Variants in DLGAP2 observed in about 807,000 individuals in gnomAD.
DLGAP2 encodes disks large-associated protein 2.
In DLGAP2, 26 loss-of-function variants were observed where a neutral mutation model predicts 100.3. That is an observed-to-expected ratio of 0.26 (90% CI 0.19 to 0.36). The LOEUF (loss-of-function observed/expected upper bound fraction) is 0.36. Ranked by LOEUF, DLGAP2 falls within the 10% of genes least tolerant of loss-of-function variation. The pLI, the probability that DLGAP2 is intolerant of heterozygous loss-of-function variation, is 1.00. For missense variants in DLGAP2, 1,858 were observed against 1,453.2 expected, an observed-to-expected ratio of 1.28 and a Z score of -4.53; for synonymous variants, 886 against 630.1, an observed-to-expected ratio of 1.41 and a Z score of -6.08.
At chr8:1,521,689 G>A (rs1401782572) in intron 4 of DLGAP2, among the ~76,000 whole-genome samples, 144 of 27,114 alleles carry the variant, frequency 5.3e-3, no homozygotes, top group African/African-American at 0.012. Flanking sequence ...GTGATATGGG[G>A]CATCTGGTTT....
chr8:1,520,247 A>C (rs998041749), intron 4 of DLGAP2, among the ~76,000 whole-genome samples: 7 of 152,126 alleles, frequency 4.6e-5, no homozygotes, highest in African/African-American at 1.7e-4. Flanking sequence ...CCCGGAGCTC[A>C]TGGTTCACAG....
intron 2 of DLGAP2, among the ~76,000 whole-genome samples, chr8:1,000,355 G>A (rs530974774): frequency 4.6e-5 from 7 of 150,672 alleles, no homozygotes; most frequent in Non-Finnish European, 8.8e-5. Flanking sequence ...GTTTTCTTTC[G>A]CACTGGATTT....
intron 3 of DLGAP2, among the ~76,000 whole-genome samples, chr8:1,470,566 C>G (rs1286546028): frequency 1.3e-5 from 2 of 152,168 alleles, no homozygotes; most frequent in Non-Finnish European, 2.9e-5. Flanking sequence ...GAATCCTATT[C>G]TATTCTCTCT....
chr8:1,661,397 C>T (rs1290886317), intron 8 of DLGAP2, among the ~76,000 whole-genome samples: 1 of 152,150 alleles, frequency 6.6e-6, no homozygotes, highest in Non-Finnish European at 1.5e-5. Context: ...GAAGCTGGGT[C>T]TAAGTTCTGC....
At chr8:1,367,570 G>A (rs933828824) in intron 3 of DLGAP2, among the ~76,000 whole-genome samples, 1 of 152,216 alleles carries the variant, frequency 6.6e-6, no homozygotes, top group Admixed American at 6.5e-5. Context: ...CTCCCCTCTA[G>A]AGCTGCTTTC....
chr8:1,029,846 C>G (rs1007170749), intron 2 of DLGAP2, among the ~76,000 whole-genome samples: 1 of 151,994 alleles, frequency 6.6e-6, no homozygotes, highest in African/African-American at 2.4e-5. Flanking sequence ...GGTTACTGTT[C>G]GAGCTGGGGA....
At chr8:1,505,234 T>G (rs1160932520) in intron 4 of DLGAP2, among the ~76,000 whole-genome samples, 1 of 152,218 alleles carries the variant, frequency 6.6e-6, no homozygotes, top group Non-Finnish European at 1.5e-5. Context: ...AAATTAAAAT[T>G]AAAAACACTT....
chr8:1,124,259 G>A (rs1324357699), intron 2 of DLGAP2, among the ~76,000 whole-genome samples: 1 of 152,204 alleles, frequency 6.6e-6, no homozygotes, highest in Non-Finnish European at 1.5e-5. Flanking sequence ...CATGGGCTAA[G>A]GAACTCGCCA....
chr8:805,210 T>A (rs1213102259), intron 1 of DLGAP2, among the ~76,000 whole-genome samples: 1 of 152,220 alleles, frequency 6.6e-6, no homozygotes, highest in Non-Finnish European at 1.5e-5. Flanking sequence ...AGGGTTTTCA[T>A]GAAGCTCTGT....
intron 12 of DLGAP2, among the ~76,000 whole-genome samples, chr8:1,684,132 C>T (rs918867372): frequency 1.3e-5 from 2 of 150,738 alleles, no homozygotes; most frequent in Admixed American, 6.7e-5. Context: ...CAGCTGAATG[C>T]CCCTACACCC....
intron 2 of DLGAP2, among the ~76,000 whole-genome samples, chr8:1,191,707 C>G (rs1385270034): frequency 6.6e-6 from 1 of 152,162 alleles, no homozygotes; most frequent in Non-Finnish European, 1.5e-5. Flanking sequence ...GCAACTAACT[C>G]TTTAATTTCC....
At chr8:1,311,109 G>A (rs1373808857) in intron 3 of DLGAP2, among the ~76,000 whole-genome samples, 1 of 151,120 alleles carries the variant, frequency 6.6e-6, no homozygotes, top group African/African-American at 2.4e-5. Flanking sequence ...CATTACTACA[G>A]ACCACACAAA....
intron 1 of DLGAP2, among the ~76,000 whole-genome samples, chr8:873,621 C>G (rs546848697): frequency 6.6e-6 from 1 of 151,976 alleles, no homozygotes; most frequent in East Asian, 1.9e-4. Flanking sequence ...ATGAGATATT[C>G]ATCTTTAGCC....
At position 1,690,661 on chromosome 8, in the gene DLGAP2, G is replaced by A. The variant is rs541028112; in HGVS notation, c.2705-874G>A. Among the ~76,000 whole-genome samples, 8 of 126,022 alleles carry A rather than the reference G, an allele frequency of 6.3e-5. No individual in the cohort carries two copies. In the South Asian group the frequency reaches 1.5e-3, roughly 24 times the overall value. 82.7% of individuals were successfully genotyped at this position (126,022 alleles called of 152,430 possible). ...GGAGGTTGCAGTGAGCCAGGATTGC[G>A]CCACTCCACTCCAGCCTGGGCGATA... On this transcript the variant is annotated intron_variant, in intron 12 of 14. Transcript: ENST00000637795.
At chr8:835,976 G>A (rs530048341) in intron 1 of DLGAP2, among the ~76,000 whole-genome samples, 22 of 152,266 alleles carry the variant, frequency 1.4e-4, no homozygotes, top group Admixed American at 2.6e-4. Context: ...TCATTTTTGG[G>A]TGTAAGACAC....
chr8:1,621,368 C>T (rs1247438995), intron 6 of DLGAP2: 3 of 152,854 alleles, frequency 2.0e-5, no homozygotes, highest in African/African-American at 4.8e-5. Context: ...ACACGAGGAC[C>T]AGGGCAAAGG....
Position 1,668,009 on chromosome 8 carries a change from C to T in DLGAP2, c.1811-320C>T, listed in dbSNP as rs946371708. On this transcript the variant is annotated intron_variant, in intron 8 of 14. Transcript: ENST00000637795. The stretch of plus-strand genomic sequence containing the variant: ...CTGCGCACTGTCCTGAGGGGACGCA[C>T]GTTGCCTAGCTGTGTCTCTGCTGCT... Among the ~76,000 whole-genome samples the T allele has an allele frequency of 1.8e-4, 27 of 152,084 alleles. 1 individual carries two copies. The highest frequency in any genetic ancestry group is 4.1e-4 in the South Asian group (2 of 4,824).
chr8:1,584,814 T>C (rs146402450), intron 6 of DLGAP2, among the ~76,000 whole-genome samples: 36 of 152,312 alleles, frequency 2.4e-4, no homozygotes, highest in African/African-American at 8.2e-4. Flanking sequence ...TCCACCTGTT[T>C]CGTGCTGTTT....
chr8:1,076,691 G>T (rs1803623564), intron 2 of DLGAP2, among the ~76,000 whole-genome samples: 1 of 152,190 alleles, frequency 6.6e-6, no homozygotes, highest in Admixed American at 6.5e-5. Flanking sequence ...ATCGTTAAAG[G>T]CCATTCCCCT....
Sources: allele counts gnomAD v4.1 joint callset (sites outside exome capture counted in the v4.1 genomes callset), GRCh38; gene constraint gnomAD v4.1.1; transcripts MANE v1.5; gene names NCBI Gene and HGNC (gene_info 2026-07-23, HGNC 2026-07-21).